TENM3: variants seen among roughly 807,000 people sequenced by gnomAD.
TENM3 encodes the protein teneurin transmembrane protein 3.
A neutral mutation model predicts 255.1 loss-of-function variants in TENM3; 63 were observed. That is an observed-to-expected ratio of 0.25 (90% CI 0.20 to 0.30). TENM3 has a LOEUF of 0.30. TENM3 is among the 10% of genes least tolerant of loss of function. The pLI, the probability that TENM3 is intolerant of heterozygous loss-of-function variation, is 1.00. For synonymous variants in TENM3, 1,306 were observed against 1,322.3 expected (o/e 0.99, Z 0.27); for missense variants, 2,929 against 3,461.1 (o/e 0.85, Z 3.86).
intron 4 of TENM3, among the ~76,000 whole-genome samples, chr4:182,615,296 A>AT (rs139386389): frequency 0.21 from 31,179 of 151,788 alleles, 3,822 homozygotes; most frequent in Admixed American, 0.27. Context: ...AAAAGAATAT[A>AT]TAAAAACTAC....
the TENM3 span, among the ~76,000 whole-genome samples, chr4:182,110,694 G>T: frequency 6.6e-6 from 1 of 152,130 alleles, no homozygotes; most frequent in Non-Finnish European, 1.5e-5. Context: ...ATGGAAAAGA[G>T]GTTGATGGTA....
the TENM3 span, among the ~76,000 whole-genome samples, chr4:181,767,052 A>G: frequency 7.2e-6 from 1 of 139,300 alleles, no homozygotes; most frequent in East Asian, 2.3e-4. Flanking sequence ...GGAGATCAAG[A>G]CCATTCTGGC....
At chr4:182,241,696 G>T (rs1479805363), upstream of TENM3, among the ~76,000 whole-genome samples, 1 of 144,378 alleles carries the variant, frequency 6.9e-6, no homozygotes, top group African/African-American at 2.7e-5. Flanking sequence ...TTTTAGTAGA[G>T]ACGGGTTTTC....
intron 3 of TENM3, among the ~76,000 whole-genome samples, chr4:182,433,268 G>A (rs1443953211): frequency 1.3e-5 from 2 of 152,132 alleles, no homozygotes; most frequent in South Asian, 2.1e-4. Flanking sequence ...AGTGGATAGA[G>A]AGGTTTCATT....
chr4:181,730,339 G>C, the TENM3 span, among the ~76,000 whole-genome samples: 1 of 152,182 alleles, frequency 6.6e-6, no homozygotes, highest in Non-Finnish European at 1.5e-5. Flanking sequence ...AGGAACGCTT[G>C]CAATGCATGT....
chr4:182,483,887 G>C (rs1282293581), intron 3 of TENM3, among the ~76,000 whole-genome samples: 1 of 151,982 alleles, frequency 6.6e-6, no homozygotes, highest in African/African-American at 2.4e-5. Flanking sequence ...CAGATCTCGC[G>C]AGAACTCACT....
the TENM3 span, among the ~76,000 whole-genome samples, chr4:181,721,523 C>T: frequency 1.3e-5 from 1 of 75,312 alleles, no homozygotes; most frequent in Non-Finnish European, 2.6e-5. Context: ...TGGCGTGAAC[C>T]CGGGAGGCGG....
the TENM3 span, among the ~76,000 whole-genome samples, chr4:182,105,558 C>G: frequency 6.6e-6 from 1 of 152,098 alleles, no homozygotes; most frequent in East Asian, 1.9e-4. Flanking sequence ...TCAAATGCAG[C>G]CAAAGGAAGA....
the TENM3 span, among the ~76,000 whole-genome samples, chr4:182,046,150 C>G: frequency 6.6e-6 from 1 of 152,034 alleles, no homozygotes; most frequent in Non-Finnish European, 1.5e-5. Flanking sequence ...TTTCAGTTTT[C>G]TAATCAGTAA....
chr4:181,594,998 T>C, the TENM3 span, among the ~76,000 whole-genome samples: 4 of 152,256 alleles, frequency 2.6e-5, no homozygotes, highest in East Asian at 7.8e-4. Context: ...AAAATATATA[T>C]ATAGTGCATC....
intron 13 of TENM3, 33 bp from the exon 14 acceptor site, chr4:182,728,932 A>G: frequency 6.3e-7 from 1 of 1,585,680 alleles, no homozygotes; most frequent in Middle Eastern, 1.7e-4. Flanking sequence ...TCAAAAGGAA[A>G]ATTCTCTTAC....
At chr4:182,447,379 A>G (rs923337031) in intron 3 of TENM3, among the ~76,000 whole-genome samples, 17 of 152,204 alleles carry the variant, frequency 1.1e-4, no homozygotes, top group Non-Finnish European at 2.2e-4. Context: ...TGAGAAAGAA[A>G]AGTATCTACA....
chr4:181,484,111 G>A, the TENM3 span, among the ~76,000 whole-genome samples: 2 of 152,002 alleles, frequency 1.3e-5, no homozygotes, highest in African/African-American at 4.8e-5. Context: ...GCCCTCGCAT[G>A]TGTGCCTGCG....
At chr4:181,581,373 G>A in the TENM3 span, among the ~76,000 whole-genome samples, 12 of 152,166 alleles carry the variant, frequency 7.9e-5, no homozygotes, top group South Asian at 2.3e-3. Context: ...CCTGGGAGGC[G>A]GAGCTTGCAG....
the TENM3 span, among the ~76,000 whole-genome samples, chr4:181,670,241 A>G: frequency 1.3e-5 from 2 of 152,174 alleles, no homozygotes; most frequent in Non-Finnish European, 2.9e-5. Context: ...AGTGCCATAG[A>G]TATGAATTTG....
chr4:181,763,461 C>G, the TENM3 span, among the ~76,000 whole-genome samples: 1 of 152,130 alleles, frequency 6.6e-6, no homozygotes, highest in Admixed American at 6.5e-5. Context: ...TTATATGGCC[C>G]ATGAGCTAAG....
intron 1 of TENM3, among the ~76,000 whole-genome samples, chr4:182,217,345 A>G (rs533284285): frequency 6.6e-6 from 1 of 152,120 alleles, no homozygotes; most frequent in South Asian, 2.1e-4. Flanking sequence ...GTTTCTATTC[A>G]TAACTTACCT....
At chr4:182,554,724 A>G (rs1025775948) in intron 3 of TENM3, among the ~76,000 whole-genome samples, 3 of 152,228 alleles carry the variant, frequency 2.0e-5, no homozygotes, top group African/African-American at 7.2e-5. Flanking sequence ...TCATTTACTT[A>G]AAAGTCATAG....
the TENM3 span, among the ~76,000 whole-genome samples, chr4:181,468,155 G>T: frequency 6.4e-4 from 62 of 96,768 alleles, no homozygotes; most frequent in South Asian, 1.2e-3. Flanking sequence ...AAATTGGTGT[G>T]GTGGCGCATG....
Sources: gnomAD v4.1 joint callset for allele counts (sites outside exome capture counted in the v4.1 genomes callset) on GRCh38, gnomAD v4.1.1 for gene constraint, MANE v1.5 for transcripts, NCBI Gene and HGNC (gene_info 2026-07-23, HGNC 2026-07-21) for gene names.